BMPR1A: variants seen among roughly 807,000 people sequenced by gnomAD.
BMPR1A encodes the protein bone morphogenetic protein receptor type-1A.
BMPR1A carries 7 observed loss-of-function variants against 66.0 expected under a neutral mutation model. The observed-to-expected ratio is 0.11, with a 90% CI of 0.06 to 0.20. The LOEUF is 0.20. BMPR1A is among the 10% of genes least tolerant of loss of function. The pLI is 1.00. For synonymous variants in BMPR1A, 200 were observed against 229.7 expected (o/e 0.87, Z 1.17); for missense variants, 408 against 669.1 (o/e 0.61, Z 4.31).
intron 1 of BMPR1A, among the ~76,000 whole-genome samples, chr10:86,776,089 C>T (rs541809874): frequency 6.6e-6 from 1 of 152,270 alleles, no homozygotes; most frequent in African/African-American, 2.4e-5. Context: ...CTCTGTTCCC[C>T]TTCTTAGACT....
chr10:86,790,173 AAAAAAAAAAAAAAAAATATATATAT>A (rs1341109428), intron 1 of BMPR1A, among the ~76,000 whole-genome samples: 6 of 37,876 alleles, frequency 1.6e-4, no homozygotes, highest in African/African-American at 4.5e-4. Context: ...AAAAAAAAAA[AAAAAAAAAAAAAAAAATATATATAT>A]ATATATATAT....
At chr10:86,859,413 C>T (rs1319434537) in intron 2 of BMPR1A, among the ~76,000 whole-genome samples, 7 of 151,980 alleles carry the variant, frequency 4.6e-5, no homozygotes, top group Non-Finnish European at 8.8e-5. Flanking sequence ...AAGTGATCCT[C>T]CTGCCTTGGC....
intron 7 of BMPR1A, among the ~76,000 whole-genome samples, chr10:86,901,962 G>A (rs1004301380): frequency 8.6e-5 from 13 of 152,042 alleles, no homozygotes; most frequent in African/African-American, 1.4e-4. Flanking sequence ...AGGTTCAAGC[G>A]ATACTCATGC....
chr10:86,803,035 C>T (rs867957510), intron 1 of BMPR1A, among the ~76,000 whole-genome samples: 1 of 144,596 alleles, frequency 6.9e-6, no homozygotes, highest in African/African-American at 2.5e-5. Flanking sequence ...GACCCTAAGC[C>T]TTTTTTTACT....
At chr10:86,918,881 C>T (rs1843615519) in intron 9 of BMPR1A, among the ~76,000 whole-genome samples, 1 of 152,122 alleles carries the variant, frequency 6.6e-6, no homozygotes, top group Non-Finnish European at 1.5e-5. Flanking sequence ...CCTTGGCCTC[C>T]CAAAGTGATA....
At chr10:86,896,844 G>T (rs1244788428) in intron 5 of BMPR1A, among the ~76,000 whole-genome samples, 3 of 152,080 alleles carry the variant, frequency 2.0e-5, no homozygotes. Context: ...TTAAGAATTG[G>T]GTTACGCCAG....
At chr10:86,881,210 C>G (rs1319799435) in intron 3 of BMPR1A, among the ~76,000 whole-genome samples, 2 of 152,082 alleles carry the variant, frequency 1.3e-5, no homozygotes, top group East Asian at 3.8e-4. Flanking sequence ...CCACTGCACT[C>G]TAGTCTGGGC....
At chr10:86,830,330 A>G (rs1422348736) in intron 1 of BMPR1A, among the ~76,000 whole-genome samples, 2 of 152,196 alleles carry the variant, frequency 1.3e-5, no homozygotes, top group East Asian at 3.8e-4. Flanking sequence ...AAGTACACAG[A>G]TAGGCCTGGG....
At chr10:86,825,113 GTTTGT>G (rs1842176078) in intron 1 of BMPR1A, among the ~76,000 whole-genome samples, 1 of 131,972 alleles carries the variant, frequency 7.6e-6, no homozygotes, top group African/African-American at 2.9e-5. Flanking sequence ...TTGTTTGTTT[GTTTGT>G]TTTAAGACAG....
At chr10:86,918,109 A>G (rs1843604557) in intron 9 of BMPR1A, among the ~76,000 whole-genome samples, 1 of 152,020 alleles carries the variant, frequency 6.6e-6, no homozygotes, top group Non-Finnish European at 1.5e-5. Flanking sequence ...TCTAGTCTCC[A>G]TTTCTGTCAT....
intron 1 of BMPR1A, among the ~76,000 whole-genome samples, chr10:86,766,001 T>TG (rs1216590272): frequency 6.6e-6 from 1 of 151,200 alleles, no homozygotes; most frequent in East Asian, 1.9e-4. Flanking sequence ...TTTTTTTTTT[T>TG]TTGAGGGAAG....
chr10:86,822,284 CTG>C (rs1412127306), intron 1 of BMPR1A, among the ~76,000 whole-genome samples: 15 of 152,180 alleles, frequency 9.9e-5, no homozygotes, highest in African/African-American at 3.6e-4. Context: ...TAGTCCCAGT[CTG>C]TGTATGAGTA....
intron 1 of BMPR1A, among the ~76,000 whole-genome samples, chr10:86,757,543 G>A (rs1176367421): frequency 6.6e-6 from 1 of 151,982 alleles, no homozygotes; most frequent in Non-Finnish European, 1.5e-5. Context: ...GATTTGGCAA[G>A]GAAAAAAAAA....
At chr10:86,802,623 T>C (rs1254426687) in intron 1 of BMPR1A, among the ~76,000 whole-genome samples, 1 of 151,792 alleles carries the variant, frequency 6.6e-6, no homozygotes, top group East Asian at 1.9e-4. Flanking sequence ...TGGTGCAAGC[T>C]TGAGGGAGAA....
chr10:86,791,394 A>C (rs992208808), intron 1 of BMPR1A, among the ~76,000 whole-genome samples: 3 of 151,772 alleles, frequency 2.0e-5, no homozygotes, highest in African/African-American at 7.2e-5. Flanking sequence ...TTGTATTTTT[A>C]GTAGAGACGG....
chr10:86,828,194 G>A (rs918596031), intron 1 of BMPR1A, among the ~76,000 whole-genome samples: 4 of 152,154 alleles, frequency 2.6e-5, no homozygotes, highest in African/African-American at 9.7e-5. Flanking sequence ...TTACTTGATC[G>A]TAATAGAAGA....
chr10:86,857,897 GTCC>G (rs1486571877), intron 2 of BMPR1A, among the ~76,000 whole-genome samples: 1 of 151,850 alleles, frequency 6.6e-6, no homozygotes, highest in East Asian at 1.9e-4. Context: ...GTCTCAAGCA[GTCC>G]TCCTGCCTGT....
intron 3 of BMPR1A, among the ~76,000 whole-genome samples, chr10:86,881,142 T>C (rs1233976010): frequency 1.3e-5 from 2 of 151,988 alleles, no homozygotes; most frequent in African/African-American, 4.8e-5. Context: ...CTGGCTGAGG[T>C]GGGCGGGAGA....
rs1327586791 is a variant in BMPR1A at position 86,889,660 on chromosome 10, T to TG, written c.68-401dup. The stretch of plus-strand genomic sequence containing the variant: ...ATTGCACTCCAGATGTGCTGACCCC[T>TG]GCGATTTCCCCAAATGTGGGAAACT... On this transcript the variant is annotated intron_variant, in intron 3 of 12. Coordinates refer to ENST00000372037, the MANE Select transcript of BMPR1A (RefSeq NM_004329.3). The TG allele has an allele frequency of 1.3e-5, 3 of 230,396 alleles. No individual in the cohort carries two copies. The Admixed American group carries it at 1.6e-4, about 12-fold the overall frequency. The allele number at this position is 230,396 out of a possible 1,614,324, so 14.3% of individuals were successfully genotyped here.
Sources: allele counts gnomAD v4.1 joint callset (sites outside exome capture counted in the v4.1 genomes callset), GRCh38; gene constraint gnomAD v4.1.1; transcripts MANE v1.5; gene names NCBI Gene and HGNC (gene_info 2026-07-23, HGNC 2026-07-21).